Variants in ALK observed in about 807,000 individuals in gnomAD.
ALK encodes the protein ALK receptor tyrosine kinase.
A neutral mutation model predicts 163.1 loss-of-function variants in ALK; 74 were observed. The ratio of observed to expected loss-of-function variants is 0.45; its 90% CI spans 0.38 to 0.55. The LOEUF is 0.55. Among genes scored for constraint, ALK ranks in the 20% least tolerant of loss-of-function variants. ALK has a pLI of 0.00. For synonymous variants in ALK, 960 were observed against 843.2 expected (o/e 1.14, Z -2.40); for missense variants, 2,063 against 2,105.3 (o/e 0.98, Z 0.39).
At chr2:29,888,421 G>GT (rs1326689470) in intron 1 of ALK, among the ~76,000 whole-genome samples, 1 of 152,120 alleles carries the variant, frequency 6.6e-6, no homozygotes, top group East Asian at 1.9e-4. Context: ...ATTATCAGCT[G>GT]TTATAAATTA....
At chr2:29,914,236 T>C (rs769066067) in intron 1 of ALK, among the ~76,000 whole-genome samples, 2 of 152,216 alleles carry the variant, frequency 1.3e-5, no homozygotes, top group African/African-American at 4.8e-5. Context: ...TCGCCTTCCA[T>C]GGTGAAATGG....
At chr2:29,733,948 A>G (rs1195595207) in intron 1 of ALK, among the ~76,000 whole-genome samples, 4 of 152,194 alleles carry the variant, frequency 2.6e-5, no homozygotes, top group Non-Finnish European at 5.9e-5. Context: ...ACTGATCAAC[A>G]TCAGAGGGGC....
intron 2 of ALK, among the ~76,000 whole-genome samples, chr2:29,700,369 A>T (rs1480862602): frequency 3.3e-5 from 5 of 152,010 alleles, no homozygotes; most frequent in African/African-American, 1.2e-4. Flanking sequence ...AAATGGAGAA[A>T]CCCTGTCTCT....
At chr2:29,528,207 G>A (rs952939611) in intron 4 of ALK, among the ~76,000 whole-genome samples, 10 of 152,236 alleles carry the variant, frequency 6.6e-5, no homozygotes, top group African/African-American at 1.9e-4. Context: ...CCAGATACCC[G>A]CTGCTGTGGG....
Position 29,475,532 on chromosome 2 carries a change from C to A in ALK, c.1154+56383G>T, listed in dbSNP as rs545634395. 1.2e-4 allele frequency among the ~76,000 whole-genome samples: 18 copies of A among 152,282 alleles called. 1 individual carries two copies. In the East Asian group the frequency reaches 3.3e-3, roughly 28 times the overall value. ...GAACATTCCTGAACAGTCTCGGGCC[C>A]GCCGGACGAGGCTGCATCTCCAGGC... On this transcript the variant is annotated intron_variant, in intron 4 of 28. Transcript: ENST00000389048.
At chr2:29,215,509 T>A (rs1246569999) in intron 23 of ALK, among the ~76,000 whole-genome samples, 1 of 152,038 alleles carries the variant, frequency 6.6e-6, no homozygotes, top group African/African-American at 2.4e-5. Flanking sequence ...GAAGGTGATC[T>A]CCATATTAAC....
At chr2:29,325,300 G>GAGT (rs1256695655) in intron 6 of ALK, among the ~76,000 whole-genome samples, 1 of 152,156 alleles carries the variant, frequency 6.6e-6, no homozygotes, top group African/African-American at 2.4e-5. Context: ...GTGTAGTCAA[G>GAGT]AGTATTTTCC....
intron 4 of ALK, among the ~76,000 whole-genome samples, chr2:29,426,948 G>T (rs548178565): frequency 7.6e-6 from 1 of 130,772 alleles, no homozygotes; most frequent in South Asian, 2.5e-4. Context: ...TGAGGCAGGA[G>T]AATCGCTTAA....
intron 3 of ALK, among the ~76,000 whole-genome samples, chr2:29,677,489 G>A (rs553116217): frequency 8.5e-4 from 130 of 152,136 alleles, no homozygotes; most frequent in Middle Eastern, 3.4e-3. Flanking sequence ...ATTTGATCAT[G>A]AGTGGATGTT....
chr2:29,535,086 T>C (rs1673218196), intron 3 of ALK, among the ~76,000 whole-genome samples: 1 of 152,200 alleles, frequency 6.6e-6, no homozygotes, highest in East Asian at 1.9e-4. Flanking sequence ...AATTTATCTC[T>C]CCTCTCTCTC....
chr2:29,621,829 G>A (rs531277113), intron 3 of ALK, among the ~76,000 whole-genome samples: 1 of 152,300 alleles, frequency 6.6e-6, no homozygotes, highest in African/African-American at 2.4e-5. Context: ...TTGTGCGAAT[G>A]AGTTTGTCTC....
intron 4 of ALK, among the ~76,000 whole-genome samples, chr2:29,396,471 C>G (rs1185335881): frequency 1.3e-5 from 2 of 152,056 alleles, no homozygotes; most frequent in Non-Finnish European, 2.9e-5. Flanking sequence ...GTCAGGAGTT[C>G]GAGACCAGCC....
chr2:29,268,138 C>A (rs149955305), intron 11 of ALK, among the ~76,000 whole-genome samples: 1 of 152,326 alleles, frequency 6.6e-6, no homozygotes, highest in East Asian at 1.9e-4. Flanking sequence ...TTGTCAGCAG[C>A]TTTGCCATAA....
At chr2:29,303,283 C>A (rs554426765) in intron 8 of ALK, among the ~76,000 whole-genome samples, 1 of 152,130 alleles carries the variant, frequency 6.6e-6, no homozygotes, top group Admixed American at 6.5e-5. Context: ...ATATGAAAAA[C>A]TGCTCAACAA....
chr2:29,393,012 G>GTGTTCAAGGTCACTGAA lies in ALK; in HGVS notation c.1155-9170_1155-9154dup, dbSNP rs1669215808. Among the ~76,000 whole-genome samples the GTGTTCAAGGTCACTGAA allele has an allele frequency of 4.0e-3, 7 of 1,746 alleles. No homozygotes were observed. The South Asian group carries it at 0.075, about 19-fold the overall frequency. 1.1% of individuals were successfully genotyped at this position (1,746 alleles called of 152,430 possible). A position where few individuals can be genotyped will look rare whatever the true frequency, so the allele number is the denominator to read the frequency against. ...GTCACTGAATGCTCAAGGTCACTGA[G>GTGTTCAAGGTCACTGAA]TGTTCAAGGTCACTGAATGTTCAAG... On this transcript the variant is annotated intron_variant, in intron 4 of 28. Coordinates refer to ENST00000389048, the MANE Select transcript of ALK (RefSeq NM_004304.5).
rs771570579 is a variant in ALK, at chr2:29,193,433, C to T, written c.4654G>A (p.Gly1552Arg). The T allele has an allele frequency of 1.9e-6, 3 of 1,614,170 alleles. No homozygotes were observed. The highest frequency in any genetic ancestry group is 2.2e-5 in the South Asian group (2 of 91,080). ...GAGGGCTCTAGGAGCAGTGAGGCCC[C>T]CGGAAGTCTCCCAGTTGCAACGTTA... ...PPNVATGRLP[G>R]ASLLLEPSSL... Residue 1552 changes from glycine to arginine, a missense_variant, in exon 29 of 29, where the codon GGG (glycine) becomes AGG (arginine). By Grantham distance (125) the Gly-to-Arg change is moderately radical. Coordinates refer to ENST00000389048, the MANE Select transcript of ALK (RefSeq NM_004304.5).
chr2:29,819,149 C>A (rs151150188), intron 1 of ALK, among the ~76,000 whole-genome samples: 1 of 152,196 alleles, frequency 6.6e-6, no homozygotes, highest in Admixed American at 6.5e-5. Context: ...AGCCTCCAAC[C>A]AGAACCTATT....
intron 4 of ALK, among the ~76,000 whole-genome samples, chr2:29,476,923 G>A (rs1671539565): frequency 1.3e-5 from 2 of 152,178 alleles, no homozygotes; most frequent in Admixed American, 1.3e-4. Flanking sequence ...ATCGTTGGTT[G>A]ACACTGGAGC....
At chr2:29,197,164 A>G (rs1329274224) in intron 27 of ALK, among the ~76,000 whole-genome samples, 1 of 152,160 alleles carries the variant, frequency 6.6e-6, no homozygotes, top group East Asian at 1.9e-4. Flanking sequence ...GTGGGAAGGA[A>G]GTGAGGGGTG....
Sources: allele counts gnomAD v4.1 joint callset (sites outside exome capture counted in the v4.1 genomes callset), GRCh38; gene constraint gnomAD v4.1.1; transcripts MANE v1.5; gene names NCBI Gene and HGNC (gene_info 2026-07-23, HGNC 2026-07-21).